AGBL3: variants seen among roughly 807,000 people sequenced by gnomAD.
AGBL3 encodes cytosolic carboxypeptidase 3.
A neutral mutation model predicts 94.5 loss-of-function variants in AGBL3; 68 were observed. That is an observed-to-expected ratio of 0.72 (90% CI 0.59 to 0.88). The LOEUF is 0.88. Ranked by LOEUF, AGBL3 falls within the 40% of genes least tolerant of loss-of-function variation. AGBL3 has a pLI of 0.00. For synonymous variants in AGBL3, 354 were observed against 370.7 expected (o/e 0.95, Z 0.52); for missense variants, 934 against 1,103.8 (o/e 0.85, Z 2.18).
chr7:135,002,299 G>A (rs1770918304), intron 4 of AGBL3, among the ~76,000 whole-genome samples: 1 of 152,146 alleles, frequency 6.6e-6, no homozygotes, highest in African/African-American at 2.4e-5. Flanking sequence ...CTAGATGGGG[G>A]CTTCCAGTTG....
intron 16 of AGBL3, among the ~76,000 whole-genome samples, chr7:135,129,996 G>A (rs1828501136): frequency 1.3e-5 from 2 of 152,154 alleles, no homozygotes; most frequent in South Asian, 4.1e-4. Context: ...CCTTCCCCAA[G>A]CTTTACATAA....
At chr7:135,020,774 C>A (rs1814345620) in intron 5 of AGBL3, among the ~76,000 whole-genome samples, 1 of 151,994 alleles carries the variant, frequency 6.6e-6, no homozygotes, top group Admixed American at 6.6e-5. Context: ...ATGGATTAAG[C>A]TGGAAACCAT....
At chr7:135,004,938 T>G (rs1263177968) in intron 4 of AGBL3, among the ~76,000 whole-genome samples, 1 of 151,776 alleles carries the variant, frequency 6.6e-6, no homozygotes, top group East Asian at 1.9e-4. Flanking sequence ...ATTTTGTTCT[T>G]TATTTAACCT....
At chr7:135,019,027 G>T (rs1025830692) in intron 5 of AGBL3, among the ~76,000 whole-genome samples, 3 of 152,154 alleles carry the variant, frequency 2.0e-5, no homozygotes, top group South Asian at 2.1e-4. Flanking sequence ...GCAAACACTG[G>T]TCTGATTTCT....
intron 16 of AGBL3, among the ~76,000 whole-genome samples, chr7:135,125,366 C>A (rs774847829): frequency 2.6e-5 from 4 of 152,038 alleles, no homozygotes; most frequent in Non-Finnish European, 5.9e-5. Context: ...CCTGAATAGA[C>A]CAATAGCAAG....
intron 4 of AGBL3, among the ~76,000 whole-genome samples, chr7:135,016,162 CTT>C (rs1238951858): frequency 6.6e-6 from 1 of 152,010 alleles, no homozygotes; most frequent in Non-Finnish European, 1.5e-5. Flanking sequence ...TTGGTTAAGA[CTT>C]TCAACTAATG....
intron 4 of AGBL3, among the ~76,000 whole-genome samples, chr7:134,994,008 C>T (rs1810643939): frequency 6.6e-6 from 1 of 152,144 alleles, no homozygotes; most frequent in Non-Finnish European, 1.5e-5. Flanking sequence ...GTTCAGTAGC[C>T]ACATGGGCTT....
Position 135,121,075 on chromosome 7 carries a change from C to T in AGBL3, c.2342+5464C>T, listed in dbSNP as rs574894634. The stretch of plus-strand genomic sequence containing the variant: ...AAAAAATTAGCCGGGTGTGGTGTCT[C>T]ATACCTGTAATCCCAGCTACTCGGG... On this transcript the variant is annotated intron_variant, in intron 16 of 16. Transcript: ENST00000436302. 2.7e-4 allele frequency among the ~76,000 whole-genome samples: 41 copies of T among 152,196 alleles called. No individual in the cohort carries two copies. In the East Asian group the frequency reaches 6.9e-3, roughly 26 times the overall value.
At chr7:135,023,391 T>C (rs1814728994) in intron 5 of AGBL3, among the ~76,000 whole-genome samples, 1 of 152,110 alleles carries the variant, frequency 6.6e-6, no homozygotes. Flanking sequence ...CGGGGCTAGT[T>C]CCTACCCCTG....
Position 135,034,317 on chromosome 7 carries a change from G to A in AGBL3, c.726G>A (p.Leu242=), listed in dbSNP as rs539436739. The change falls in exon 7 of 17, where the codon CTG becomes CTA. Residue 242 remains leucine (L), a synonymous_variant. Transcript: ENST00000436302. ...TTTACAGTCGGGGTATGCGCCCACTGTTCTATTCTGAAAAAGAGGCCAAGG... is the reference window on the plus strand; with the variant it reads ...TTTACAGTCGGGGTATGCGCCCACTATTCTATTCTGAAAAAGAGGCCAAGG... ...ASLYSRGMRP[L]FYSEKEAKAH... is the part of the protein sequence containing the mutation. 27 of 1,551,692 alleles carry A rather than the reference G, an allele frequency of 1.7e-5. No homozygotes were observed. In the African/African-American group the frequency reaches 3.6e-4, roughly 20 times the overall value.
chr7:135,135,307 T>G lies in AGBL3; in HGVS notation c.*46T>G, dbSNP rs1397829860. The G allele has an allele frequency of 1.4e-6, 2 of 1,407,970 alleles. No homozygotes were observed. The highest frequency in any genetic ancestry group is 5.0e-5 in the East Asian group (2 of 39,774). 87.2% of individuals were successfully genotyped at this position (1,407,970 alleles called of 1,614,324 possible). ...AGAACTGTGAATGAAGGATAACATA[T>G]GCTTATGTAGTAAAAAGAAAAAAAG... On this transcript the variant is annotated 3_prime_UTR_variant, in exon 17 of 17. Coordinates refer to ENST00000436302, the MANE Select transcript of AGBL3 (RefSeq NM_178563.4).
chr7:135,013,951 T>C (rs1461731510), intron 4 of AGBL3, among the ~76,000 whole-genome samples: 2 of 152,062 alleles, frequency 1.3e-5, no homozygotes, highest in African/African-American at 4.8e-5. Context: ...TCCTAGCACT[T>C]TGGGAGGCCA....
chr7:135,095,789 G>A (rs1644229436), intron 15 of AGBL3, among the ~76,000 whole-genome samples: 1 of 152,120 alleles, frequency 6.6e-6, no homozygotes, highest in South Asian at 2.1e-4. Context: ...ATCATCCAGG[G>A]GAGCATCACT....
intron 16 of AGBL3, chr7:135,129,065 A>G (rs1351689836): frequency 1.9e-6 from 3 of 1,608,496 alleles, no homozygotes; most frequent in East Asian, 2.2e-5. Context: ...TCAACTGCCC[A>G]GAACCAAAGT....
intron 16 of AGBL3, among the ~76,000 whole-genome samples, chr7:135,131,762 GTTGT>G (rs753157961): frequency 6.6e-5 from 10 of 152,054 alleles, no homozygotes; most frequent in Non-Finnish European, 1.0e-4. Context: ...GAAACAACTG[GTTGT>G]TTGAACAGAT....
intron 11 of AGBL3, among the ~76,000 whole-genome samples, chr7:135,046,380 G>A (rs1817358789): frequency 6.6e-6 from 1 of 152,028 alleles, no homozygotes; most frequent in Non-Finnish European, 1.5e-5. Context: ...TGTTAATTCT[G>A]CAGGTTTTGA....
At position 135,009,312 on chromosome 7, in the gene AGBL3, A is replaced by G. The variant is rs955648389; in HGVS notation, c.311-7740A>G. On this transcript the variant is annotated intron_variant, in intron 4 of 16. Coordinates refer to ENST00000436302, the MANE Select transcript of AGBL3 (RefSeq NM_178563.4). Reference sequence around the variant, plus strand: ...ATTAGCCATAAAAATGGAATGAGGTACTGATACATGGTACAACATGGATGA... The same window carrying G: ...ATTAGCCATAAAAATGGAATGAGGTGCTGATACATGGTACAACATGGATGA... Among the ~76,000 whole-genome samples, 8 of 152,338 alleles carry G rather than the reference A, an allele frequency of 5.3e-5. No individual in the cohort carries two copies. The East Asian group carries it at 1.3e-3, about 26-fold the overall frequency.
At chr7:134,997,128 A>G (rs962348845) in intron 4 of AGBL3, among the ~76,000 whole-genome samples, 3 of 152,186 alleles carry the variant, frequency 2.0e-5, no homozygotes, top group African/African-American at 7.2e-5. Context: ...AGCATCAGGC[A>G]TTAGTTAGAT....
chr7:134,993,608 T>A lies in AGBL3; in HGVS notation c.240T>A (p.Ser80=). 1.9e-6 allele frequency: 3 copies of A among 1,552,194 alleles called. No homozygotes were observed. The highest frequency in any genetic ancestry group is 2.6e-6 in the Non-Finnish European group (3 of 1,147,060). ...CAAGGGATTTATATGGTGTCTCTTC[T>A]TCTGGTCCATTGAGCCCAACACGGT... The part of the protein sequence containing the change: ...REPRDLYGVS[S]SGPLSPTRWP... The change falls in exon 4 of 17, where the codon TCT becomes TCA. Residue 80 remains serine (S), a synonymous_variant. Transcript: ENST00000436302.
Sources: gnomAD v4.1 joint callset for allele counts (sites outside exome capture counted in the v4.1 genomes callset) on GRCh38, gnomAD v4.1.1 for gene constraint, MANE v1.5 for transcripts, NCBI Gene and HGNC (gene_info 2026-07-23, HGNC 2026-07-21) for gene names.